SYTL2: variants seen among roughly 807,000 people sequenced by gnomAD.
SYTL2 encodes synaptotagmin like 2, also known as synaptotagmin-like protein 2.
Under a neutral mutation model 198.7 loss-of-function variants are expected in SYTL2, and 165 were observed. The ratio of observed to expected loss-of-function variants is 0.83; its 90% CI spans 0.73 to 0.94. SYTL2 has a LOEUF of 0.94. SYTL2 is among the 40% of genes least tolerant of loss of function. The pLI is 0.00. For missense variants in SYTL2, 2,835 were observed against 2,582.8 expected, an observed-to-expected ratio of 1.10 and a Z score of -2.12; for synonymous variants, 966 against 917.7, an observed-to-expected ratio of 1.05 and a Z score of -0.95.
chr11:85,745,604 A>G, intron 4 of SYTL2, 33 bp downstream of exon 4: 1 of 1,596,690 alleles, frequency 6.3e-7, no homozygotes, highest in Non-Finnish European at 8.6e-7. Context: ...TGAAAGCCAC[A>G]TGCAGCAGCT....
At chr11:85,719,297 T>C (rs1271897279) in intron 9 of SYTL2, 2 of 1,161,386 alleles carry the variant, frequency 1.7e-6, no homozygotes, top group East Asian at 6.1e-5. Flanking sequence ...TGAAGAGATG[T>C]AACTGGGGAC....
the SYTL2 span, among the ~76,000 whole-genome samples, chr11:85,843,529 G>A: frequency 2.6e-5 from 4 of 152,134 alleles, no homozygotes; most frequent in South Asian, 8.3e-4. Flanking sequence ...GGGGCATGGT[G>A]CGACTGTGAG....
intron 7 of SYTL2, 48 bp from the exon 8 acceptor site, chr11:85,728,015 G>T: frequency 6.8e-7 from 1 of 1,471,048 alleles, no homozygotes; most frequent in Non-Finnish European, 9.2e-7. Flanking sequence ...CATGCTTAAA[G>T]AACTGTTAAT....
the SYTL2 span, among the ~76,000 whole-genome samples, chr11:85,836,494 A>G: frequency 9.2e-5 from 14 of 151,874 alleles, no homozygotes; most frequent in Admixed American, 2.6e-4. Context: ...TATCATGATA[A>G]TAATAATAAT....
intron 1 of SYTL2, among the ~76,000 whole-genome samples, chr11:85,771,685 C>T (rs904781533): frequency 3.3e-5 from 5 of 152,116 alleles, no homozygotes; most frequent in African/African-American, 9.7e-5. Context: ...GGAAAAAGAA[C>T]GTAAGATTTA....
At chr11:85,794,986 C>T (rs1251776932) in intron 1 of SYTL2, among the ~76,000 whole-genome samples, 2 of 152,216 alleles carry the variant, frequency 1.3e-5, no homozygotes, top group South Asian at 2.1e-4. Flanking sequence ...GGCTGTACTT[C>T]GGTCTCCACA....
At chr11:85,744,993 C>T (rs200415548) in intron 4 of SYTL2, among the ~76,000 whole-genome samples, 8,818 of 152,210 alleles carry the variant, frequency 0.058, 306 homozygotes, top group East Asian at 0.098. Flanking sequence ...CACCAAAAAA[C>T]CCCAAGACTA....
At position 85,734,191 on chromosome 11, in the gene SYTL2, T is replaced by C. The variant is rs369066570; in HGVS notation, c.1138A>G (p.Ser380Gly). Residue 380 changes from serine (S) to glycine (G), a missense_variant, in exon 7 of 20, where the codon AGT becomes GGT. Around this residue, in one of 3 missense-constraint regions of SYTL2, gnomAD observed 2,645 missense variants for 2,381.7 expected, o/e 1.11. Transcript: ENST00000359152. The part of the protein sequence containing the change: ...EDAGDTEEFQ[S>G]DPKPSQYRKP... ...CTGTATTGAGAAGGCTTAGGGTCACTCTGAAACTCTTCTGTGTCCCCTGCA... is the reference window on the plus strand; with the variant it reads ...CTGTATTGAGAAGGCTTAGGGTCACCCTGAAACTCTTCTGTGTCCCCTGCA... 2 of 1,614,194 alleles carry C rather than the reference T, an allele frequency of 1.2e-6. No homozygotes were observed. Among genetic ancestry groups the C allele is most frequent in the Non-Finnish European group, 1.7e-6 (2 of 1,179,998 alleles).
At chr11:85,792,802 C>T (rs570577697) in intron 1 of SYTL2, among the ~76,000 whole-genome samples, 1 of 151,550 alleles carries the variant, frequency 6.6e-6, no homozygotes, top group Non-Finnish European at 1.5e-5. Context: ...CAACAGTCCC[C>T]AGAGTGTGAT....
intron 4 of SYTL2, 77 bp from the exon 5 acceptor site, chr11:85,737,733 G>T: frequency 1.7e-6 from 2 of 1,202,344 alleles, no homozygotes; most frequent in Non-Finnish European, 1.2e-6. Flanking sequence ...GAAGTGGAAA[G>T]CTATCAGCAG....
At chr11:85,794,914 G>C (rs1021486680) in intron 1 of SYTL2, among the ~76,000 whole-genome samples, 2 of 151,922 alleles carry the variant, frequency 1.3e-5, no homozygotes. Flanking sequence ...ACAATAAAGA[G>C]ATGGTCTTTC....
intron 1 of SYTL2, among the ~76,000 whole-genome samples, chr11:85,765,166 G>C (rs1393200734): frequency 6.6e-6 from 1 of 152,166 alleles, no homozygotes; most frequent in Non-Finnish European, 1.5e-5. Flanking sequence ...CAAATAAAAT[G>C]AACTTCTTTA....
At chr11:85,833,038 A>G in the SYTL2 span, among the ~76,000 whole-genome samples, 56 of 22,790 alleles carry the variant, frequency 2.5e-3, 5 homozygotes, top group Middle Eastern at 0.019. Flanking sequence ...AAAGAAAGAA[A>G]GAAAGAAAGA....
chr11:85,700,222 T>C (rs2084058391), intron 17 of SYTL2, among the ~76,000 whole-genome samples: 1 of 152,026 alleles, frequency 6.6e-6, no homozygotes, highest in Non-Finnish European at 1.5e-5. Context: ...ATTTGCAAGA[T>C]GAAAAGGTTC....
At chr11:85,704,287 A>G (rs1395751227) in intron 16 of SYTL2, among the ~76,000 whole-genome samples, 3 of 152,122 alleles carry the variant, frequency 2.0e-5, no homozygotes, top group Non-Finnish European at 4.4e-5. Flanking sequence ...CTAGAGATAA[A>G]AAGGGAATTT....
At chr11:85,806,402 C>T (rs1428241548) in intron 1 of SYTL2, among the ~76,000 whole-genome samples, 2 of 152,160 alleles carry the variant, frequency 1.3e-5, no homozygotes. Flanking sequence ...GGGCACTAGG[C>T]AAAAATACTG....
chr11:85,701,880 A>G (rs968545935), intron 16 of SYTL2, among the ~76,000 whole-genome samples: 1 of 152,260 alleles, frequency 6.6e-6, no homozygotes, highest in African/African-American at 2.4e-5. Flanking sequence ...CAAATGAACA[A>G]GATCTTAGAG....
chr11:85,827,650 G>A, the SYTL2 span, among the ~76,000 whole-genome samples: 1 of 152,058 alleles, frequency 6.6e-6, no homozygotes, highest in South Asian at 2.1e-4. Flanking sequence ...TAAGTTCTGG[G>A]TATCTGTCTC....
At chr11:85,838,311 T>C in the SYTL2 span, among the ~76,000 whole-genome samples, 1 of 152,236 alleles carries the variant, frequency 6.6e-6, no homozygotes, top group Non-Finnish European at 1.5e-5. Context: ...GGAGATAGTA[T>C]GTATCCATAT....
Sources: allele counts gnomAD v4.1 joint callset (sites outside exome capture counted in the v4.1 genomes callset), GRCh38; gene constraint gnomAD v4.1.1; regional missense constraint gnomAD v4.1.1; transcripts MANE v1.5; gene names NCBI Gene and HGNC (gene_info 2026-07-23, HGNC 2026-07-21).